ABTB3: variants seen among roughly 807,000 people sequenced by gnomAD.
The protein encoded by ABTB3 is ankyrin repeat- and BTB/POZ domain-containing protein 3.
At chr12:107,495,729 C>T in the ABTB3 span, among the ~76,000 whole-genome samples, 1 of 152,322 alleles carries the variant, frequency 6.6e-6, no homozygotes, top group East Asian at 1.9e-4. Context: ...TCGTTCCTGG[C>T]AGCTTCTCAT....
the ABTB3 span, among the ~76,000 whole-genome samples, chr12:107,505,839 A>C: frequency 6.6e-6 from 1 of 152,178 alleles, no homozygotes; most frequent in African/African-American, 2.4e-5. Flanking sequence ...AGCTCCATCC[A>C]TGTTCCTGCA....
the ABTB3 span, among the ~76,000 whole-genome samples, chr12:107,321,888 C>T: frequency 6.6e-6 from 1 of 152,118 alleles, no homozygotes; most frequent in Non-Finnish European, 1.5e-5. Flanking sequence ...GGAACCTCTT[C>T]TTTTTTCTCC....
At chr12:107,338,643 G>A in the ABTB3 span, among the ~76,000 whole-genome samples, 7 of 152,098 alleles carry the variant, frequency 4.6e-5, no homozygotes, top group South Asian at 4.1e-4. Flanking sequence ...CAAGGAATAC[G>A]TTATGTTGGG....
At chr12:107,562,931 G>A in the ABTB3 span, among the ~76,000 whole-genome samples, 1 of 152,290 alleles carries the variant, frequency 6.6e-6, no homozygotes, top group Non-Finnish European at 1.5e-5. Context: ...CATTGTGCTG[G>A]CAGATCTGGA....
the ABTB3 span, among the ~76,000 whole-genome samples, chr12:107,501,640 T>C: frequency 3.3e-5 from 5 of 151,904 alleles, no homozygotes; most frequent in Non-Finnish European, 4.4e-5. Flanking sequence ...GCAGAGATTG[T>C]AGTGAGCTGA....
chr12:107,618,857 T>C, the ABTB3 span, among the ~76,000 whole-genome samples: 38 of 152,148 alleles, frequency 2.5e-4, no homozygotes, highest in Non-Finnish European at 4.4e-4. Context: ...TGGGCAGTTG[T>C]TAGGGTGAGG....
chr12:107,421,086 A>G, the ABTB3 span, among the ~76,000 whole-genome samples: 5 of 152,136 alleles, frequency 3.3e-5, no homozygotes, highest in Non-Finnish European at 5.9e-5. Context: ...TTTTCCACAT[A>G]CATTTCTCAA....
chr12:107,387,657 C>G, the ABTB3 span, among the ~76,000 whole-genome samples: 4 of 152,186 alleles, frequency 2.6e-5, no homozygotes, highest in African/African-American at 9.7e-5. Context: ...TATCTTAAAG[C>G]AATTGCTCTG....
the ABTB3 span, among the ~76,000 whole-genome samples, chr12:107,333,012 C>T: frequency 6.6e-6 from 1 of 152,178 alleles, no homozygotes; most frequent in Non-Finnish European, 1.5e-5. Context: ...TATTAAGCTG[C>T]ATTTAGTGAC....
chr12:107,657,832 C>G, the ABTB3 span: 2 of 983,562 alleles, frequency 2.0e-6, no homozygotes, highest in African/African-American at 3.2e-5. Flanking sequence ...GGCCAAGGAG[C>G]TGCCTCTACT....
the ABTB3 span, among the ~76,000 whole-genome samples, chr12:107,531,914 C>A: frequency 6.6e-6 from 1 of 152,162 alleles, no homozygotes; most frequent in South Asian, 2.1e-4. Context: ...CTGGACCCAG[C>A]AATGCAGCCA....
chr12:107,589,133 G>A, the ABTB3 span, among the ~76,000 whole-genome samples: 4 of 152,198 alleles, frequency 2.6e-5, no homozygotes, highest in African/African-American at 7.2e-5. Flanking sequence ...ATGAAATAAT[G>A]TGTACAAACC....
the ABTB3 span, among the ~76,000 whole-genome samples, chr12:107,482,968 CTTTCT>C: frequency 7.1e-5 from 5 of 70,012 alleles, no homozygotes; most frequent in African/African-American, 3.1e-4. Context: ...TTCTTTCTTT[CTTTCT>C]TTCTTTCTTT....
At chr12:107,539,838 T>C in the ABTB3 span, among the ~76,000 whole-genome samples, 1 of 152,230 alleles carries the variant, frequency 6.6e-6, no homozygotes, top group Non-Finnish European at 1.5e-5. Flanking sequence ...AGGCTGGAGC[T>C]GAGATTTGAA....
the ABTB3 span, among the ~76,000 whole-genome samples, chr12:107,444,422 T>G: frequency 6.6e-6 from 1 of 152,186 alleles, no homozygotes; most frequent in East Asian, 1.9e-4. Context: ...GACCAGCACC[T>G]AACTGTGCTC....
the ABTB3 span, among the ~76,000 whole-genome samples, chr12:107,443,436 C>A: frequency 6.6e-6 from 1 of 151,778 alleles, no homozygotes; most frequent in Non-Finnish European, 1.5e-5. Context: ...GTCCACCAGA[C>A]CTGAAAGAGG....
chr12:107,513,729 G>A, the ABTB3 span, among the ~76,000 whole-genome samples: 5 of 152,212 alleles, frequency 3.3e-5, no homozygotes, highest in African/African-American at 1.2e-4. Flanking sequence ...GTGAAAGGAT[G>A]TCAGGGTGTT....
chr12:107,394,964 T>C, the ABTB3 span, among the ~76,000 whole-genome samples: 46 of 152,232 alleles, frequency 3.0e-4, no homozygotes, highest in Non-Finnish European at 4.0e-4. Flanking sequence ...TTCTCACTTG[T>C]GTTTTTCTCC....
the ABTB3 span, among the ~76,000 whole-genome samples, chr12:107,489,231 C>T: frequency 3.3e-5 from 5 of 152,076 alleles, no homozygotes; most frequent in African/African-American, 1.2e-4. Context: ...ATTTAAAAAA[C>T]AAATCTTGGC....
Sources: allele counts gnomAD v4.1 joint callset (sites outside exome capture counted in the v4.1 genomes callset), GRCh38; gene constraint gnomAD v4.1.1; transcripts MANE v1.5; gene names NCBI Gene and HGNC (gene_info 2026-07-23, HGNC 2026-07-21).